Variants in RIPOR3 observed in about 807,000 individuals in gnomAD.
RIPOR3 encodes RIPOR family member 3.
Under a neutral mutation model 114.3 loss-of-function variants are expected in RIPOR3, and 95 were observed. The ratio of observed to expected loss-of-function variants is 0.83; its 90% CI spans 0.70 to 0.99. RIPOR3 has a LOEUF of 0.99. RIPOR3 is among the 50% of genes least tolerant of loss of function. The probability of loss-of-function intolerance (pLI) is 0.00; values close to 1 mark genes in which losing one functional copy is unlikely to be tolerated. For missense variants in RIPOR3, 1,252 were observed against 1,266.9 expected (o/e 0.99, Z 0.18); for synonymous variants, 575 against 543.8 (o/e 1.06, Z -0.80).
chr20:50,593,308 C>T (rs962964009), intron 17 of RIPOR3, 112 bp from the exon 18 acceptor site: 10 of 1,251,762 alleles, frequency 8.0e-6, no homozygotes, highest in East Asian at 2.6e-5. Flanking sequence ...CGCAGTGGCT[C>T]GCACCTGTAA....
At chr20:50,625,239 T>C (rs1364106685) in intron 2 of RIPOR3, among the ~76,000 whole-genome samples, 2 of 152,104 alleles carry the variant, frequency 1.3e-5, no homozygotes, top group African/African-American at 2.4e-5. Flanking sequence ...CTCGGCTAAT[T>C]TTTTGTAGTT....
intron 1 of RIPOR3, among the ~76,000 whole-genome samples, chr20:50,657,819 T>C (rs995775367): frequency 1.3e-5 from 2 of 148,762 alleles, no homozygotes; most frequent in East Asian, 4.0e-4. Context: ...AGTGATGCGA[T>C]CATACCTCAC....
At chr20:50,622,184 CTTTTTT>C (rs1291668979) in intron 2 of RIPOR3, among the ~76,000 whole-genome samples, 1 of 139,742 alleles carries the variant, frequency 7.2e-6, no homozygotes, top group Non-Finnish European at 1.6e-5. Flanking sequence ...CATCAGTTCT[CTTTTTT>C]TTTTTTTTTT....
intron 4 of RIPOR3, among the ~76,000 whole-genome samples, chr20:50,613,883 T>G (rs1055724153): frequency 1.6e-4 from 24 of 152,110 alleles, no homozygotes; most frequent in African/African-American, 5.3e-4. Flanking sequence ...GGGTGAGGCA[T>G]GCTGAGCTTG....
chr20:50,655,045 G>C lies in RIPOR3; in HGVS notation c.4-24189C>G, dbSNP rs529765976. Among the ~76,000 whole-genome samples, 41 of 152,206 alleles carry C rather than the reference G, an allele frequency of 2.7e-4. 1 individual carries two copies. ...ATTATGGGCGTGAGCCACTGCACCC[G>C]GCCAACCATTGTTGAGTGAGCAAGT... On this transcript the variant is annotated intron_variant, in intron 1 of 21. Coordinates refer to ENST00000327979, the MANE Select transcript of RIPOR3 (RefSeq NM_001290268.2).
intron 1 of RIPOR3, among the ~76,000 whole-genome samples, chr20:50,659,152 AG>A (rs542105422): frequency 7.7e-4 from 118 of 152,360 alleles, no homozygotes; most frequent in Non-Finnish European, 1.5e-3. Context: ...ATAATAATGC[AG>A]CATTTGCTTG....
intron 3 of RIPOR3, among the ~76,000 whole-genome samples, chr20:50,616,892 T>C (rs1434062905): frequency 7.9e-5 from 12 of 152,136 alleles, no homozygotes; most frequent in South Asian, 6.2e-4. Context: ...CCTGTAATCC[T>C]AACACTTTGG....
rs1331814800 is a variant in RIPOR3 at position 50,619,991 on chromosome 20, G to A, written c.264C>T (p.Gly88=). The A allele has an allele frequency of 1.2e-6, 2 of 1,611,442 alleles. No homozygotes were observed. The highest frequency in any genetic ancestry group is 1.7e-6 in the Non-Finnish European group (2 of 1,177,888). ...AGCACACAGCCCAGCCTTACTTGAG[G>A]CCTCTTTTCAATGCTTCGAAGATCT... The part of the protein sequence containing the change: ...VKKIFEALKR[G]LKEYLCVQQA... The change falls in exon 3 of 22, where the codon GGC becomes GGT. Residue 88 remains glycine (G), a synonymous_variant. Coordinates refer to ENST00000327979, the MANE Select transcript of RIPOR3 (RefSeq NM_001290268.2).
At chr20:50,661,622 C>G (rs963527306) in intron 1 of RIPOR3, among the ~76,000 whole-genome samples, 1 of 152,150 alleles carries the variant, frequency 6.6e-6, no homozygotes, top group Admixed American at 6.6e-5. Context: ...TAAGGCTTAG[C>G]TGCAGGAACA....
chr20:50,609,325 A>G lies in RIPOR3; in HGVS notation c.608T>C (p.Val203Ala). 1 of 1,613,474 alleles carries G rather than the reference A, an allele frequency of 6.2e-7. No homozygotes were observed. Among genetic ancestry groups the G allele is most frequent in the South Asian group, 1.1e-5 (1 of 91,024 alleles). The change falls in exon 8 of 22, where the codon GTT becomes GCT. Residue 203 changes from valine to alanine, a missense_variant. Physicochemically the swap from Val to Ala is moderately conservative, Grantham distance 64. Coordinates refer to ENST00000327979, the MANE Select transcript of RIPOR3 (RefSeq NM_001290268.2). ...CCTGATGTGGAACTCGCCCAGGTGA[A>G]CCTCCAGGGCCCCCTCGATGAGCCA... The part of the protein sequence containing the change: ...DMWLIEGALE[V>A]HLGEFHIRMK...
chr20:50,609,424 T>C, intron 7 of RIPOR3, 68 bp from the exon 8 acceptor site: 1 of 1,568,840 alleles, frequency 6.4e-7, no homozygotes, highest in Non-Finnish European at 8.6e-7. Flanking sequence ...TAACCATCCC[T>C]GCAGCCAGAC....
intron 14 of RIPOR3, chr20:50,597,351 C>T (rs924449407): frequency 2.5e-4 from 141 of 571,776 alleles, no homozygotes; most frequent in Non-Finnish European, 3.6e-4. Flanking sequence ...GCAGAAGGCT[C>T]AGGGGCAGGC....
At chr20:50,620,520 C>T (rs562534603) in intron 2 of RIPOR3, among the ~76,000 whole-genome samples, 16 of 151,988 alleles carry the variant, frequency 1.1e-4, no homozygotes, top group East Asian at 3.9e-4. Flanking sequence ...CCACTTACTC[C>T]GGAGGCTGAG....
chr20:50,666,348 C>T (rs1177820779), intron 1 of RIPOR3, among the ~76,000 whole-genome samples: 1 of 150,630 alleles, frequency 6.6e-6, no homozygotes, highest in Admixed American at 6.7e-5. Flanking sequence ...CTTCAGCCTC[C>T]CAAGTAGCTG....
At chr20:50,598,370 C>T (rs190599945) in intron 13 of RIPOR3, among the ~76,000 whole-genome samples, 208 of 152,054 alleles carry the variant, frequency 1.4e-3, no homozygotes, top group Non-Finnish European at 2.2e-3. Context: ...GTCCCCAACT[C>T]GTGGCTGGCT....
At chr20:50,660,036 A>G (rs907181292) in intron 1 of RIPOR3, 5 of 152,226 alleles carry the variant, frequency 3.3e-5, no homozygotes, top group Non-Finnish European at 7.3e-5. Context: ...GTGAATCAAG[A>G]GACACAGGAT....
In RIPOR3 at chr20:50,602,290, G is replaced by T. The variant is rs2083527540; in HGVS notation, c.1441C>A (p.Pro481Thr). The T allele has an allele frequency of 1.2e-6, 2 of 1,613,748 alleles. No homozygotes were observed. The highest frequency in any genetic ancestry group is 4.5e-5 in the East Asian group (2 of 44,888). ...AACAGGGAGCCCTGTGGCAGGCTGG[G>T]GCTCTCCCCTCCTAAGTTCCTCCAG... The part of the protein sequence containing the change: ...PGWRNLGGES[P>T]SLPQGSLFHS... Residue 481 changes from proline (P) to threonine (T), a missense_variant, in exon 13 of 22, where the codon CCC (proline) becomes ACC (threonine). Transcript: ENST00000327979. The surrounding 1 kb of genome is among the most constrained non-coding windows in gnomAD (Gnocchi z 4.3).
Position 50,608,495 on chromosome 20 carries a change from C to T in RIPOR3, c.850G>A (p.Ala284Thr), listed in dbSNP as rs1033626694. The T allele has an allele frequency of 1.9e-6, 3 of 1,613,836 alleles. No homozygotes were observed. The highest frequency in any genetic ancestry group is 2.5e-6 in the Non-Finnish European group (3 of 1,179,944). The change falls in exon 11 of 22, where the codon GCA (alanine) becomes ACA (threonine). Residue 284 changes from alanine to threonine, a missense_variant. Coordinates refer to ENST00000327979, the MANE Select transcript of RIPOR3 (RefSeq NM_001290268.2). Reference sequence around the variant, plus strand: ...AAGTCGGCGATGTCACACGTCACTGCACCCACAGCCAGCGAGCCCAGGCCC... The same window carrying T: ...AAGTCGGCGATGTCACACGTCACTGTACCCACAGCCAGCGAGCCCAGGCCC... ...LRGLGSLAVG[A>T]VTCDIADFFT...
intron 19 of RIPOR3, among the ~76,000 whole-genome samples, chr20:50,591,497 A>G (rs749701650): frequency 6.6e-6 from 1 of 152,160 alleles, no homozygotes; most frequent in African/African-American, 2.4e-5. Flanking sequence ...TGCAAGTTCA[A>G]AAGTCTCCAA....
Sources: allele counts gnomAD v4.1 joint callset (sites outside exome capture counted in the v4.1 genomes callset), GRCh38; gene constraint gnomAD v4.1.1; non-coding constraint Gnocchi (gnomAD v3.1); transcripts MANE v1.5; gene names NCBI Gene and HGNC (gene_info 2026-07-23, HGNC 2026-07-21).